Variants in ABCC12 observed in about 807,000 individuals in gnomAD.
ABCC12 encodes ATP-binding cassette sub-family C member 12.
A neutral mutation model predicts 151.1 loss-of-function variants in ABCC12; 142 were observed. The ratio of observed to expected loss-of-function variants is 0.94; its 90% CI spans 0.82 to 1.08. ABCC12 has a LOEUF of 1.08. ABCC12 is among the 50% of genes least tolerant of loss of function. The pLI is 0.00. For synonymous variants in ABCC12, 645 were observed against 646.4 expected (o/e 1.00, Z 0.03); for missense variants, 1,638 against 1,691.1 (o/e 0.97, Z 0.55).
chr16:48,087,317 C>T (rs1240109590), intron 27 of ABCC12: 1 of 159,374 alleles, frequency 6.3e-6, no homozygotes, highest in Non-Finnish European at 1.4e-5. Context: ...ACTCTAAATA[C>T]AGTAAATACA....
At chr16:48,130,750 G>A in intron 10 of ABCC12, 38 bp downstream of exon 10, 2 of 1,509,278 alleles carry the variant, frequency 1.3e-6, no homozygotes, top group East Asian at 4.5e-5. Flanking sequence ...ACCCCAAAAT[G>A]AGATCTCTCT....
chr16:48,135,805 T>C (rs1395900420), intron 8 of ABCC12, among the ~76,000 whole-genome samples: 1 of 152,168 alleles, frequency 6.6e-6, no homozygotes, highest in African/African-American at 2.4e-5. Flanking sequence ...TATTCTCCCC[T>C]TCCTAAGTCC....
At position 48,128,496 on chromosome 16, in the gene ABCC12, T is replaced by C. The variant is rs774115359; in HGVS notation, c.1478A>G (p.Lys493Arg). 1.1e-5 allele frequency: 17 copies of C among 1,614,108 alleles called. No individual in the cohort carries two copies. Among genetic ancestry groups the C allele is most frequent in the African/African-American group, 6.7e-5 (5 of 74,930 alleles). ...TGPEEQSDSL[K>R]SVLHSISFVV... ...AAAGCTTATGCTGTGCAGAACCGAT[T>C]TGAGGCTGTCACTTTGCTCCTCTGG... The change falls in exon 11 of 31, where the codon AAA becomes AGA. Residue 493 changes from lysine (K) to arginine (R), a missense_variant. Physicochemically the swap from Lys to Arg is conservative, Grantham distance 26. Transcript: ENST00000311303.
At chr16:48,091,549 C>G (rs1248269383) in intron 24 of ABCC12, among the ~76,000 whole-genome samples, 1 of 152,208 alleles carries the variant, frequency 6.6e-6, no homozygotes. Context: ...TGCTGGCTAT[C>G]GGCCCCTTGC....
chr16:48,099,729 C>T (rs1462268006), intron 23 of ABCC12, among the ~76,000 whole-genome samples: 1 of 152,212 alleles, frequency 6.6e-6, no homozygotes, highest in Admixed American at 6.5e-5. Flanking sequence ...CCTGGCCTCT[C>T]GCCTTGTCTT....
chr16:48,109,339 G>A (rs1048168987), intron 18 of ABCC12, among the ~76,000 whole-genome samples: 2 of 152,148 alleles, frequency 1.3e-5, no homozygotes, highest in African/African-American at 4.8e-5. Flanking sequence ...CCAAGGGGAA[G>A]GGAAAATGAC....
chr16:48,127,557 A>G (rs1314770190), intron 11 of ABCC12, among the ~76,000 whole-genome samples: 2 of 152,166 alleles, frequency 1.3e-5, no homozygotes, highest in African/African-American at 4.8e-5. Flanking sequence ...TGCCCTGGGT[A>G]TGAAACCCTC....
chr16:48,127,004 A>T (rs1006433182), intron 11 of ABCC12, among the ~76,000 whole-genome samples: 1 of 152,068 alleles, frequency 6.6e-6, no homozygotes, highest in Non-Finnish European at 1.5e-5. Flanking sequence ...CTCCACGGGG[A>T]GAGTGGCGAG....
chr16:48,092,873 T>C (rs1460018884), intron 24 of ABCC12, among the ~76,000 whole-genome samples: 1 of 152,116 alleles, frequency 6.6e-6, no homozygotes, highest in Non-Finnish European at 1.5e-5. Flanking sequence ...AAGAATGCTC[T>C]AGTAAGAAGC....
chr16:48,101,197 G>C (rs986953671), intron 22 of ABCC12, among the ~76,000 whole-genome samples, 188 bp from the exon 23 acceptor site: 8 of 152,216 alleles, frequency 5.3e-5, no homozygotes, highest in African/African-American at 1.7e-4. Context: ...AATGGCGGAG[G>C]CGTGAGAACC....
At chr16:48,152,566 C>T (rs1041509691) in intron 2 of ABCC12, among the ~76,000 whole-genome samples, 2 of 152,152 alleles carry the variant, frequency 1.3e-5, no homozygotes, top group African/African-American at 4.8e-5. Context: ...AAAGAGCTCA[C>T]GGCAAGTTCT....
At chr16:48,105,460 T>A in intron 20 of ABCC12, 124 bp from the exon 21 acceptor site, 2 of 962,924 alleles carry the variant, frequency 2.1e-6, no homozygotes, top group Non-Finnish European at 3.1e-6. Context: ...TTTGAATGAG[T>A]CAGGTGGATA....
chr16:48,091,513 G>A (rs1162473990), intron 24 of ABCC12, among the ~76,000 whole-genome samples: 1 of 152,172 alleles, frequency 6.6e-6, no homozygotes, highest in Admixed American at 6.5e-5. Flanking sequence ...TTGAGTGGTG[G>A]GAATTCTCCC....
chr16:48,132,559 C>A (rs1483871010), intron 9 of ABCC12, among the ~76,000 whole-genome samples: 2 of 152,142 alleles, frequency 1.3e-5, no homozygotes, highest in Non-Finnish European at 2.9e-5. Context: ...GTTGGCTTTC[C>A]TCCAATTACT....
intron 15 of ABCC12, among the ~76,000 whole-genome samples, chr16:48,112,594 C>CA (rs1309638766): frequency 3.3e-5 from 5 of 151,796 alleles, no homozygotes; most frequent in African/African-American, 1.2e-4. Flanking sequence ...GACTCTGTCT[C>CA]AAAAAAATTA....
Position 48,133,735 on chromosome 16 carries a change from C to T in ABCC12, c.1080G>A (p.Leu360=), listed in dbSNP as rs201098165. Residue 360 remains leucine (L), a synonymous_variant, in exon 9 of 31, where the codon CTG becomes CTA. Coordinates refer to ENST00000311303, the MANE Select transcript of ABCC12 (RefSeq NM_001393797.1). The part of the protein sequence containing the change: ...APIVSTIAIV[L]TLSCHILLRR... The stretch of plus-strand genomic sequence containing the variant: ...TCAGGAGGATGTGGCAGGATAATGT[C>T]AGCACGATGGCTATGGTGGACACGA... 2 of 1,614,104 alleles carry T rather than the reference C, an allele frequency of 1.2e-6. No homozygotes were observed. The highest frequency in any genetic ancestry group is 4.5e-5 in the East Asian group (2 of 44,864).
At chr16:48,145,354 A>T (rs1339671513) in intron 3 of ABCC12, among the ~76,000 whole-genome samples, 1 of 152,224 alleles carries the variant, frequency 6.6e-6, no homozygotes, top group Non-Finnish European at 1.5e-5. Context: ...CATAATGCTA[A>T]TAATATATAT....
Position 48,104,248 on chromosome 16 carries a change from G to C in ABCC12, c.2794C>G (p.Gln932Glu). The change falls in exon 22 of 31, where the codon CAG (glutamine) becomes GAG (glutamate). Residue 932 changes from glutamine to glutamate, a missense_variant. Gln to Glu is a conservative substitution (Grantham distance 29, BLOSUM62 2). Transcript: ENST00000311303. Reference sequence around the variant, plus strand: ...ATAAACACCACCATAAAAAACTGCTGCAGAAAGTTCTCTGCGTGAAACGGC... The same window carrying C: ...ATAAACACCACCATAAAAAACTGCTCCAGAAAGTTCTCTGCGTGAAACGGC... Reference protein sequence around the residue: ...RLPFHAENFLQQFFMVVFILV... With the variant: ...RLPFHAENFLEQFFMVVFILV... 6.2e-7 allele frequency: 1 copy of C among 1,614,262 alleles called. No individual in the cohort carries two copies. The highest frequency in any genetic ancestry group is 8.5e-7 in the Non-Finnish European group (1 of 1,180,054).
rs1962366319 is a variant in ABCC12, at chr16:48,082,119, C to T, written c.*1596G>A. ...GGCAAAGATACACTGTGTCCCTTCA[C>T]AGAGAGATCCACACTTGGCCTGGAG... On this transcript the variant is annotated 3_prime_UTR_variant, in exon 31 of 31. Coordinates refer to ENST00000311303, the MANE Select transcript of ABCC12 (RefSeq NM_001393797.1). Among the ~76,000 whole-genome samples the T allele has an allele frequency of 6.6e-6, 1 of 152,002 alleles. No individual in the cohort carries two copies. Among genetic ancestry groups the T allele is most frequent in the Non-Finnish European group, 1.5e-5 (1 of 67,984 alleles).
Sources: allele counts gnomAD v4.1 joint callset (sites outside exome capture counted in the v4.1 genomes callset), GRCh38; gene constraint gnomAD v4.1.1; transcripts MANE v1.5; gene names NCBI Gene and HGNC (gene_info 2026-07-23, HGNC 2026-07-21).